The following SCAPER variants were observed in gnomAD, a reference collection of about 807,000 sequenced individuals.
SCAPER encodes the protein S phase cyclin A-associated protein in the endoplasmic reticulum.
Under a neutral mutation model 182.2 loss-of-function variants are expected in SCAPER, and 98 were observed. The observed-to-expected ratio is 0.54, with a 90% CI of 0.46 to 0.64. The LOEUF (loss-of-function observed/expected upper bound fraction) is 0.64, where lower values mean the gene tolerates loss of function less well. Ranked by LOEUF, SCAPER falls within the 30% of genes least tolerant of loss-of-function variation. The probability of loss-of-function intolerance (pLI) is 0.00; values close to 1 mark genes in which losing one functional copy is unlikely to be tolerated. For missense variants in SCAPER, 1,432 were observed against 1,690.0 expected, an observed-to-expected ratio of 0.85 and a Z score of 2.68; for synonymous variants, 605 against 564.6, an observed-to-expected ratio of 1.07 and a Z score of -1.01.
chr15:76,751,920 GCTA>G (rs1568013650), intron 15 of SCAPER, among the ~76,000 whole-genome samples: 1 of 151,574 alleles, frequency 6.6e-6, no homozygotes, highest in Non-Finnish European at 1.5e-5. Context: ...GTCAAAAGAT[GCTA>G]CTGTCAAAGT....
intron 23 of SCAPER, among the ~76,000 whole-genome samples, chr15:76,569,481 T>A (rs2047283120): frequency 6.6e-6 from 1 of 152,130 alleles, no homozygotes. Flanking sequence ...ATGAATGAGA[T>A]TGGTTTATAA....
chr15:76,839,519 T>C (rs1270803829), intron 5 of SCAPER, among the ~76,000 whole-genome samples: 2 of 152,206 alleles, frequency 1.3e-5, no homozygotes, highest in Non-Finnish European at 2.9e-5. Flanking sequence ...TCTTCTTACA[T>C]CACCACCTGT....
intron 26 of SCAPER, among the ~76,000 whole-genome samples, chr15:76,409,887 C>A (rs1026775916): frequency 6.6e-6 from 1 of 151,786 alleles, no homozygotes; most frequent in Non-Finnish European, 1.5e-5. Context: ...CTGCTGGACT[C>A]AAGGGTCCTC....
intron 22 of SCAPER, among the ~76,000 whole-genome samples, chr15:76,582,354 A>C (rs377457819): frequency 1.3e-5 from 2 of 152,216 alleles, no homozygotes; most frequent in Non-Finnish European, 2.9e-5. Flanking sequence ...CATATTTACA[A>C]TAGCTTCAAA....
chr15:76,660,452 G>GA (rs1244593282), intron 21 of SCAPER, among the ~76,000 whole-genome samples: 1 of 151,684 alleles, frequency 6.6e-6, no homozygotes, highest in African/African-American at 2.4e-5. Flanking sequence ...TCTCTAGGGG[G>GA]AAAAAAAGGC....
chr15:76,606,761 C>T (rs1461969371), intron 22 of SCAPER, among the ~76,000 whole-genome samples: 1 of 151,764 alleles, frequency 6.6e-6, no homozygotes, highest in Non-Finnish European at 1.5e-5. Flanking sequence ...ATCCCTTTAC[C>T]ATTATGTAAT....
intron 21 of SCAPER, among the ~76,000 whole-genome samples, chr15:76,631,537 C>T (rs2053108907): frequency 6.6e-6 from 1 of 152,124 alleles, no homozygotes; most frequent in Non-Finnish European, 1.5e-5. Context: ...TTTACTTCTC[C>T]TTCACTAATG....
Position 76,774,874 on chromosome 15 carries a change from G to A in SCAPER, c.1016C>T (p.Pro339Leu). 1 of 1,609,820 alleles carries A rather than the reference G, an allele frequency of 6.2e-7. No homozygotes were observed. Among genetic ancestry groups the A allele is most frequent in the Non-Finnish European group, 8.5e-7 (1 of 1,178,436 alleles). ...PKDSLHSCDH[P>L]LAEKTQFTVS... ...TACTACCTGGGTTTTTTCGGCAAGA[G>A]GATGGTCACAAGAGTGTAATGAGTC... Residue 339 changes from proline (P) to leucine (L), a missense_variant, in exon 9 of 32, where the codon CCT becomes CTT. By Grantham distance (98) the Pro-to-Leu change is moderately conservative. Coordinates refer to ENST00000563290, the MANE Select transcript of SCAPER (RefSeq NM_020843.4).
At chr15:76,484,142 G>A (rs924654983) in intron 24 of SCAPER, among the ~76,000 whole-genome samples, 1 of 152,082 alleles carries the variant, frequency 6.6e-6, no homozygotes, top group African/African-American at 2.4e-5. Context: ...TCATACAATG[G>A]ATTATTATTC....
At chr15:76,704,279 T>C (rs1408530871) in intron 18 of SCAPER, among the ~76,000 whole-genome samples, 6 of 152,224 alleles carry the variant, frequency 3.9e-5, no homozygotes, top group African/African-American at 4.8e-5. Flanking sequence ...GGTTGCCTGT[T>C]CACTCTGATG....
intron 25 of SCAPER, among the ~76,000 whole-genome samples, chr15:76,438,465 G>A (rs1303829886): frequency 6.6e-6 from 1 of 152,110 alleles, no homozygotes; most frequent in African/African-American, 2.4e-5. Flanking sequence ...TTACACTATT[G>A]TTATATTCTC....
chr15:76,800,459 C>T lies in SCAPER; in HGVS notation c.495-95G>A, dbSNP rs938380647. 7.6e-6 allele frequency: 6 copies of T among 784,838 alleles called. No homozygotes were observed. The African/African-American group carries it at 1.0e-4, about 14-fold the overall frequency. The allele number at this position is 784,838 out of a possible 1,614,324, so 48.6% of individuals were successfully genotyped here. On this transcript the variant is annotated intron_variant, in intron 6 of 31. Coordinates refer to ENST00000563290, the MANE Select transcript of SCAPER (RefSeq NM_020843.4). ...GGTTGTTAGTGGCTGAAAAAATAATCCTACTTTTCAACAACAACAACAAAA... is the reference window on the plus strand; with the variant it reads ...GGTTGTTAGTGGCTGAAAAAATAATTCTACTTTTCAACAACAACAACAAAA...
chr15:76,900,947 C>T (rs1275976814), intron 1 of SCAPER, among the ~76,000 whole-genome samples: 1 of 152,146 alleles, frequency 6.6e-6, no homozygotes, highest in East Asian at 1.9e-4. Flanking sequence ...TTGCCTTTTC[C>T]AACATTTAAG....
chr15:76,793,163 T>G (rs2065107935), intron 8 of SCAPER: 1 of 984,426 alleles, frequency 1.0e-6, no homozygotes. Flanking sequence ...TAGAATTATT[T>G]TTTATAACAC....
In SCAPER at chr15:76,702,933, T is replaced by C; in HGVS notation, c.2317A>G (p.Ser773Gly). The C allele has an allele frequency of 2.5e-6, 4 of 1,611,062 alleles. No homozygotes were observed. Among genetic ancestry groups the C allele is most frequent in the Non-Finnish European group, 3.4e-6 (4 of 1,178,988 alleles). The change falls in exon 19 of 32, where the codon AGT becomes GGT. Residue 773 changes from serine (S) to glycine (G), a missense_variant. Ser to Gly is a moderately conservative substitution (Grantham distance 56). Coordinates refer to ENST00000563290, the MANE Select transcript of SCAPER (RefSeq NM_020843.4). ...TAATCAGTATTTGCATGTCGCCCAC[T>C]GCTTAGCTCAGCAGCTTTTTCTTTT... The part of the protein sequence containing the change: ...QRKEKAAELS[S>G]GRHANTDYAP...
At chr15:76,410,021 G>A (rs1169043386) in intron 26 of SCAPER, among the ~76,000 whole-genome samples, 1 of 150,548 alleles carries the variant, frequency 6.6e-6, no homozygotes, top group Non-Finnish European at 1.5e-5. Context: ...GTGAACTCCT[G>A]GACTCAAGCG....
chr15:76,488,318 A>T (rs1033103834), intron 24 of SCAPER, among the ~76,000 whole-genome samples: 1 of 152,208 alleles, frequency 6.6e-6, no homozygotes, highest in Non-Finnish European at 1.5e-5. Context: ...AATACCTACA[A>T]TTATATAGAA....
intron 1 of SCAPER, among the ~76,000 whole-genome samples, chr15:76,886,707 C>T (rs552866783): frequency 7.9e-5 from 12 of 152,242 alleles, no homozygotes; most frequent in African/African-American, 1.7e-4. Context: ...CACCTGTATG[C>T]GCATTGCAGC....
intron 6 of SCAPER, among the ~76,000 whole-genome samples, chr15:76,803,856 T>G (rs926773920): frequency 6.6e-6 from 1 of 152,226 alleles, no homozygotes; most frequent in Non-Finnish European, 1.5e-5. Context: ...GCATGTACTA[T>G]GTACTTCATG....
Sources: gnomAD v4.1 joint callset for allele counts (sites outside exome capture counted in the v4.1 genomes callset) on GRCh38, gnomAD v4.1.1 for gene constraint, MANE v1.5 for transcripts, NCBI Gene and HGNC (gene_info 2026-07-23, HGNC 2026-07-21) for gene names.